The following HTR1E variants were observed in gnomAD, a reference collection of about 807,000 sequenced individuals.
HTR1E encodes 5-HT-1E.
A neutral mutation model predicts 3.4 loss-of-function variants in HTR1E; 3 were observed. The ratio of observed to expected loss-of-function variants is 0.89; its 90% CI spans 0.41 to 2.31. The LOEUF is 2.31. Ranked by LOEUF, HTR1E falls within the 30% of genes most tolerant of loss-of-function variation. The pLI is 0.05. For missense variants in HTR1E, 392 were observed against 467.0 expected (o/e 0.84, Z 1.48); for synonymous variants, 170 against 182.8 (o/e 0.93, Z 0.56).
chr6:86,973,685 A>C (rs1767592039), intron 1 of HTR1E, among the ~76,000 whole-genome samples: 1 of 152,204 alleles, frequency 6.6e-6, no homozygotes. Flanking sequence ...TAGGACATAT[A>C]AAGAAGCATG....
At chr6:86,991,784 C>T (rs1413992926) in intron 1 of HTR1E, among the ~76,000 whole-genome samples, 1 of 152,108 alleles carries the variant, frequency 6.6e-6, no homozygotes, top group Admixed American at 6.6e-5. Flanking sequence ...CACAGAAACA[C>T]AAATGTGTAG....
intron 1 of HTR1E, among the ~76,000 whole-genome samples, chr6:87,001,346 TC>T (rs1768021043): frequency 1.3e-5 from 2 of 152,162 alleles, no homozygotes; most frequent in Admixed American, 1.3e-4. Context: ...GACTAAACTC[TC>T]TACTCAAAAG....
chr6:86,945,770 T>C (rs763021151), intron 1 of HTR1E, among the ~76,000 whole-genome samples: 2 of 152,092 alleles, frequency 1.3e-5, no homozygotes, highest in African/African-American at 2.4e-5. Context: ...GTTTCTTTCT[T>C]GCCTCCCAGA....
chr6:86,956,665 C>T (rs1767329152), intron 1 of HTR1E, among the ~76,000 whole-genome samples: 1 of 152,118 alleles, frequency 6.6e-6, no homozygotes, highest in African/African-American at 2.4e-5. Flanking sequence ...TCCGACCCTC[C>T]TGAAGCTGTG....
At position 87,015,964 on chromosome 6, in the gene HTR1E, G is replaced by T; in HGVS notation, c.630G>T (p.Lys210Asn). 1 of 1,614,210 alleles carries T rather than the reference G, an allele frequency of 6.2e-7. No individual in the cohort carries two copies. The highest frequency in any genetic ancestry group is 8.5e-7 in the Non-Finnish European group (1 of 1,180,048). The change falls in exon 2 of 2, where the codon AAG (lysine) becomes AAT (asparagine). Residue 210 changes from lysine to asparagine, a missense_variant. By Grantham distance (94) the Lys-to-Asn change is moderately conservative (BLOSUM62 0). This residue lies in a region of HTR1E where 178 missense variants were observed against 164.9 expected (regional missense o/e 1.08). Coordinates refer to ENST00000305344, the MANE Select transcript of HTR1E (RefSeq NM_000865.3). ...ILYYRIYHAA[K>N]SLYQKRGSSR... is the part of the protein sequence containing the mutation. ...ATTACCGGATTTACCACGCGGCCAA[G>T]AGCCTTTACCAGAAAAGGGGATCAA...
At chr6:86,979,447 G>C (rs1767681699) in intron 1 of HTR1E, among the ~76,000 whole-genome samples, 3 of 152,186 alleles carry the variant, frequency 2.0e-5, no homozygotes, top group Admixed American at 6.5e-5. Context: ...CCGTGAAAGA[G>C]GAAAAGAGAA....
intron 1 of HTR1E, among the ~76,000 whole-genome samples, chr6:86,980,309 C>A (rs976066784): frequency 6.6e-6 from 1 of 151,668 alleles, no homozygotes; most frequent in Non-Finnish European, 1.5e-5. Flanking sequence ...ATGGTGTGAA[C>A]CCGGGAGGCG....
chr6:87,005,578 C>G (rs1310318112), intron 1 of HTR1E, among the ~76,000 whole-genome samples: 2 of 152,126 alleles, frequency 1.3e-5, no homozygotes, highest in Admixed American at 1.3e-4. Flanking sequence ...TCACCATATA[C>G]AAAAGTCAAA....
chr6:86,953,903 G>T (rs1322989010), intron 1 of HTR1E, among the ~76,000 whole-genome samples: 1 of 152,154 alleles, frequency 6.6e-6, no homozygotes. Context: ...AAGCAAGAAA[G>T]TGAAGGGGGA....
chr6:86,949,536 T>C (rs1390746638), intron 1 of HTR1E, among the ~76,000 whole-genome samples: 1 of 152,174 alleles, frequency 6.6e-6, no homozygotes, highest in Non-Finnish European at 1.5e-5. Context: ...TATGATATAT[T>C]TGAGTATTAA....
intron 1 of HTR1E, among the ~76,000 whole-genome samples, chr6:86,995,688 G>GAAAAAAAAAAAAAAAAAAAAAAAA (rs58476122): frequency 3.6e-5 from 2 of 55,206 alleles, no homozygotes; most frequent in African/African-American, 5.2e-5. Context: ...AAAAAAAAAA[G>GAAAAAAAAAAAAAAAAAAAAAAAA]AAAAAAAAAA....
chr6:87,016,487 G>T lies in HTR1E; in HGVS notation c.*55G>T, dbSNP rs911462016. On this transcript the variant is annotated 3_prime_UTR_variant, in exon 2 of 2. Transcript: ENST00000305344. ...TCCAGAGCCTCATGAGTGGATGGGG[G>T]TAAGGGGTGCAACTTATTAATTCTT... 17 of 1,445,974 alleles carry T rather than the reference G, an allele frequency of 1.2e-5. No homozygotes were observed. In the African/African-American group the frequency reaches 2.1e-4, roughly 18 times the overall value. The allele number at this position is 1,445,974 out of a possible 1,614,324, so 89.6% of individuals were successfully genotyped here. A position where few individuals can be genotyped will look rare whatever the true frequency, so the allele number is the denominator to read the frequency against.
intron 1 of HTR1E, among the ~76,000 whole-genome samples, chr6:86,944,461 G>C (rs1240620602): frequency 6.6e-6 from 1 of 152,174 alleles, no homozygotes; most frequent in African/African-American, 2.4e-5. Context: ...ATCTGTCAAA[G>C]AATTTGTAAA....
intron 1 of HTR1E, among the ~76,000 whole-genome samples, chr6:86,956,927 T>C (rs977785780): frequency 6.6e-6 from 1 of 152,222 alleles, no homozygotes; most frequent in Non-Finnish European, 1.5e-5. Context: ...AGCATACTAT[T>C]TGGCCATGCT....
At chr6:87,005,620 C>T (rs1768091179) in intron 1 of HTR1E, among the ~76,000 whole-genome samples, 1 of 152,056 alleles carries the variant, frequency 6.6e-6, no homozygotes, top group African/African-American at 2.4e-5. Context: ...AATCTAAGAC[C>T]TCAAACTATG....
At chr6:87,008,437 T>G (rs1173786181) in intron 1 of HTR1E, among the ~76,000 whole-genome samples, 1 of 152,230 alleles carries the variant, frequency 6.6e-6, no homozygotes, top group African/African-American at 2.4e-5. Context: ...TATTGAAGAC[T>G]TCTTTAAATA....
intron 1 of HTR1E, among the ~76,000 whole-genome samples, chr6:86,945,329 G>C (rs9450601): frequency 6.6e-6 from 1 of 152,004 alleles, no homozygotes; most frequent in Non-Finnish European, 1.5e-5. Context: ...TGCAACCTCC[G>C]CCTCCCAGGT....
At chr6:87,011,617 G>T (rs1385351096) in intron 1 of HTR1E, among the ~76,000 whole-genome samples, 5 of 152,168 alleles carry the variant, frequency 3.3e-5, no homozygotes, top group Admixed American at 6.5e-5. Context: ...TAGGAAAGGG[G>T]AATATGTCAA....
intron 1 of HTR1E, among the ~76,000 whole-genome samples, chr6:87,008,912 A>G (rs1252202853): frequency 6.6e-6 from 1 of 152,182 alleles, no homozygotes; most frequent in Non-Finnish European, 1.5e-5. Context: ...TCCTCTAAAA[A>G]TAACCACTCT....
Sources: allele counts gnomAD v4.1 joint callset (sites outside exome capture counted in the v4.1 genomes callset), GRCh38; gene constraint gnomAD v4.1.1; regional missense constraint gnomAD v4.1.1; transcripts MANE v1.5; gene names NCBI Gene and HGNC (gene_info 2026-07-23, HGNC 2026-07-21).